Variants in BUD13 observed in about 807,000 individuals in gnomAD.
BUD13 encodes BUD13 spliceosome associated protein.
A neutral mutation model predicts 62.5 loss-of-function variants in BUD13; 47 were observed. That is an observed-to-expected ratio of 0.75 (90% confidence interval 0.60 to 0.96). The LOEUF (loss-of-function observed/expected upper bound fraction) is 0.96, where lower values mean the gene tolerates loss of function less well. Ranked by LOEUF, BUD13 falls within the 40% of genes least tolerant of loss-of-function variation. BUD13 has a pLI of 0.00. For synonymous variants in BUD13, 293 were observed against 280.1 expected (o/e 1.05, Z -0.46); for missense variants, 821 against 790.9 (o/e 1.04, Z -0.46).
At chr11:116,769,124 A>C (rs1940580959) in intron 2 of BUD13, among the ~76,000 whole-genome samples, 1 of 151,380 alleles carries the variant, frequency 6.6e-6, no homozygotes, top group Admixed American at 6.6e-5. Context: ...TCTCCTTTCC[A>C]CTTTGTTTCT....
At chr11:116,752,354 C>T (rs1940251814) in intron 9 of BUD13, among the ~76,000 whole-genome samples, 1 of 151,034 alleles carries the variant, frequency 6.6e-6, no homozygotes. Flanking sequence ...CGAAAAGAGA[C>T]AAAACTAGAA....
chr11:116,765,700 A>G (rs1342626753), intron 2 of BUD13, among the ~76,000 whole-genome samples: 1 of 152,226 alleles, frequency 6.6e-6, no homozygotes. Flanking sequence ...TTTTTTCATT[A>G]CAAACCTTTT....
chr11:116,748,759 G>A (rs1265853539), intron 9 of BUD13, among the ~76,000 whole-genome samples, 184 bp from the exon 10 acceptor site: 1 of 152,174 alleles, frequency 6.6e-6, no homozygotes, highest in Admixed American at 6.5e-5. Flanking sequence ...AGGCCAAGGC[G>A]GGTAGATCAC....
intron 2 of BUD13, among the ~76,000 whole-genome samples, chr11:116,767,605 A>G (rs1940554147): frequency 6.6e-6 from 1 of 151,410 alleles, no homozygotes; most frequent in Non-Finnish European, 1.5e-5. Flanking sequence ...AAAAAAAAAA[A>G]AAAAAAAGAA....
Position 116,763,038 on chromosome 11 carries a change from G to A in BUD13, c.551C>T (p.Ser184Phe), listed in dbSNP as rs758955475. ...TSPPRRIRHDSSDTSPPRRAR... is the reference protein window; with the variant it reads ...TSPPRRIRHDFSDTSPPRRAR... ...CCTCCTTGGGGGTGAAGTGTCTGAG[G>A]AGTCATGACGGATCCTCCTGGGAGG... The change falls in exon 4 of 10, where the codon TCC becomes TTC. Residue 184 changes from serine (S) to phenylalanine (F), a missense_variant. Physicochemically the swap from Ser to Phe is radical, Grantham distance 155 (BLOSUM62 -2). Around this residue, in one of 2 missense-constraint regions of BUD13, gnomAD observed 800 missense variants for 739.2 expected, o/e 1.08. Coordinates refer to ENST00000260210, the MANE Select transcript of BUD13 (RefSeq NM_032725.4). The A allele has an allele frequency of 6.8e-6, 11 of 1,612,498 alleles. No homozygotes were observed. Among genetic ancestry groups the A allele is most frequent in the Admixed American group, 6.7e-5 (4 of 59,924 alleles).
Position 116,772,906 on chromosome 11 carries a change from G to C in BUD13, c.59C>G (p.Ala20Gly), listed in dbSNP as rs1448725353. 6.3e-7 allele frequency: 1 copy of C among 1,589,840 alleles called. No homozygotes were observed. The change falls in exon 1 of 10, where the codon GCA (alanine) becomes GGA (glycine). Residue 20 changes from alanine (A) to glycine (G), a missense_variant. Coordinates refer to ENST00000260210, the MANE Select transcript of BUD13 (RefSeq NM_032725.4). Reference sequence around the variant, plus strand: ...AGATCCCCGGTCGACGCCGGCATCTGCCCCGGACAAGTAACGCTTCAGATA... The same window carrying C: ...AGATCCCCGGTCGACGCCGGCATCTCCCCCGGACAAGTAACGCTTCAGATA... ...AEYLKRYLSG[A>G]DAGVDRGSES...
At chr11:116,768,714 T>C (rs1347986443) in intron 2 of BUD13, among the ~76,000 whole-genome samples, 6 of 152,064 alleles carry the variant, frequency 3.9e-5, no homozygotes, top group Non-Finnish European at 5.9e-5. Context: ...AGAATTTTGC[T>C]GGGAATTGGC....
chr11:116,761,293 C>G (rs1281319569), intron 4 of BUD13, among the ~76,000 whole-genome samples: 5 of 152,170 alleles, frequency 3.3e-5, no homozygotes, highest in Admixed American at 3.3e-4. Context: ...CTGAGGTGAT[C>G]TGCCCACCTC....
chr11:116,756,448 G>T (rs1940327518), intron 9 of BUD13, among the ~76,000 whole-genome samples: 1 of 151,322 alleles, frequency 6.6e-6, no homozygotes, highest in Admixed American at 6.6e-5. Flanking sequence ...GGAGGCAGAG[G>T]TTGCAGTGAG....
At chr11:116,753,770 C>T (rs1940281105) in intron 9 of BUD13, among the ~76,000 whole-genome samples, 1 of 152,038 alleles carries the variant, frequency 6.6e-6, no homozygotes, top group Admixed American at 6.6e-5. Flanking sequence ...GAAATCTCAG[C>T]AGAGAAATGT....
Position 116,770,161 on chromosome 11 carries a change from C to T in BUD13, c.205G>A (p.Glu69Lys), listed in dbSNP as rs779919009. The stretch of plus-strand genomic sequence containing the variant: ...AAATCTCCATCATCTTCCTCTTCCT[C>T]CTTTTCTAGTTTGGTTGTGGAGATA... ...TAISTTKLEKEEEEDDGDLPV... is the reference protein window; with the variant it reads ...TAISTTKLEKKEEEDDGDLPV... Residue 69 changes from glutamate (E) to lysine (K), a missense_variant, in exon 2 of 10, where the codon GAG becomes AAG. Coordinates refer to ENST00000260210, the MANE Select transcript of BUD13 (RefSeq NM_032725.4). 10 of 1,613,612 alleles carry T rather than the reference C, an allele frequency of 6.2e-6. No homozygotes were observed. Among genetic ancestry groups the T allele is most frequent in the African/African-American group, 1.3e-5 (1 of 74,942 alleles).
chr11:116,768,884 G>A (rs1940577038), intron 2 of BUD13, among the ~76,000 whole-genome samples: 1 of 151,778 alleles, frequency 6.6e-6, no homozygotes, highest in Non-Finnish European at 1.5e-5. Flanking sequence ...GCGTGTTGGT[G>A]GGCCCCTGTA....
At chr11:116,772,295 A>G (rs79110162) in intron 1 of BUD13, among the ~76,000 whole-genome samples, 7,366 of 152,310 alleles carry the variant, frequency 0.048, 252 homozygotes, top group Admixed American at 0.1. Flanking sequence ...GTGAGGCTTA[A>G]ATAAACTTAT....
rs979598405 is a variant in BUD13, at chr11:116,770,190, G to A, written c.176C>T (p.Thr59Ile). Reference sequence around the variant, plus strand: ...TTCTAGTTTGGTTGTGGAGATAGCTGTCCAGCTCACATCATCATCCACAAT... The same window carrying A: ...TTCTAGTTTGGTTGTGGAGATAGCTATCCAGCTCACATCATCATCCACAAT... Reference protein sequence around the residue: ...MRIVDDDVSWTAISTTKLEKE... With the variant: ...MRIVDDDVSWIAISTTKLEKE... The change falls in exon 2 of 10, where the codon ACA (threonine) becomes ATA (isoleucine). Residue 59 changes from threonine (T) to isoleucine (I), a missense_variant. By Grantham distance (89) the Thr-to-Ile change is moderately conservative. This residue lies in a region of BUD13 where 800 missense variants were observed against 739.2 expected (regional missense o/e 1.08). Coordinates refer to ENST00000260210, the MANE Select transcript of BUD13 (RefSeq NM_032725.4). The A allele has an allele frequency of 1.9e-6, 3 of 1,613,404 alleles. No individual in the cohort carries two copies. Among genetic ancestry groups the A allele is most frequent in the Admixed American group, 1.7e-5 (1 of 59,942 alleles).
chr11:116,752,590 G>A (rs1211093282), intron 9 of BUD13, among the ~76,000 whole-genome samples: 1 of 152,122 alleles, frequency 6.6e-6, no homozygotes, highest in African/African-American at 2.4e-5. Flanking sequence ...CATCTGTAGG[G>A]TTGTGCTATA....
At position 116,772,909 on chromosome 11, in the gene BUD13, C is replaced by T. The variant is rs769732799; in HGVS notation, c.56G>A (p.Gly19Glu). The part of the protein sequence containing the change: ...KAEYLKRYLS[G>E]ADAGVDRGSE... Reference sequence around the variant, plus strand: ...TCCCCGGTCGACGCCGGCATCTGCCCCGGACAAGTAACGCTTCAGATACTC... The same window carrying T: ...TCCCCGGTCGACGCCGGCATCTGCCTCGGACAAGTAACGCTTCAGATACTC... Residue 19 changes from glycine (G) to glutamate (E), a missense_variant, in exon 1 of 10, where the codon GGG (glycine) becomes GAG (glutamate). By Grantham distance (98) the Gly-to-Glu change is moderately conservative (BLOSUM62 -2). This residue lies in a region of BUD13 where 800 missense variants were observed against 739.2 expected (regional missense o/e 1.08). Transcript: ENST00000260210. The T allele has an allele frequency of 2.5e-6, 4 of 1,590,116 alleles. No individual in the cohort carries two copies. The highest frequency in any genetic ancestry group is 2.6e-6 in the Non-Finnish European group (3 of 1,169,016).
At chr11:116,754,646 G>A (rs56225305) in intron 9 of BUD13, among the ~76,000 whole-genome samples, 15,165 of 152,196 alleles carry the variant, frequency 0.1, 957 homozygotes, top group African/African-American at 0.17. Context: ...TAAATGTGTT[G>A]TAAAAACTAA....
chr11:116,770,089 T>A, intron 2 of BUD13, 40 bp downstream of exon 2: 2 of 1,457,432 alleles, frequency 1.4e-6, no homozygotes, highest in Non-Finnish European at 1.9e-6. Flanking sequence ...TTGAGAAGCT[T>A]GCTTCATTTC....
At chr11:116,758,549 C>A in intron 6 of BUD13, 142 bp from the exon 7 acceptor site, 1 of 740,626 alleles carries the variant, frequency 1.4e-6, no homozygotes, top group Non-Finnish European at 2.1e-6. Context: ...CATCTTGGTG[C>A]ATATTGGCAC....
Sources: allele counts gnomAD v4.1 joint callset (sites outside exome capture counted in the v4.1 genomes callset), GRCh38; gene constraint gnomAD v4.1.1; regional missense constraint gnomAD v4.1.1; transcripts MANE v1.5; gene names NCBI Gene and HGNC (gene_info 2026-07-23, HGNC 2026-07-21).